Variants in CNNM1 observed in about 807,000 individuals in gnomAD.
CNNM1 encodes metal transporter CNNM1.
In CNNM1, 44 loss-of-function variants were observed where a neutral mutation model predicts 78.8. That is an observed-to-expected ratio of 0.56 (90% CI 0.44 to 0.72). The LOEUF is 0.72. Among genes scored for constraint, CNNM1 ranks in the 30% least tolerant of loss-of-function variants. The pLI is 0.00. For missense variants in CNNM1, 1,101 were observed against 1,292.2 expected (o/e 0.85, Z 2.27); for synonymous variants, 584 against 581.5 (o/e 1.00, Z -0.06).
intron 7 of CNNM1, among the ~76,000 whole-genome samples, chr10:99,384,637 G>A (rs1334053102): frequency 2.6e-5 from 4 of 152,162 alleles, no homozygotes; most frequent in African/African-American, 9.7e-5. Flanking sequence ...ACGAGGAAGT[G>A]TGTCCCATTC....
At chr10:99,365,037 C>A (rs370723438) in intron 6 of CNNM1, 35 bp downstream of exon 6, 2 of 1,611,410 alleles carry the variant, frequency 1.2e-6, no homozygotes, top group Non-Finnish European at 1.7e-6. Flanking sequence ...TCGTCCTCCC[C>A]ATCGTAGTCC....
chr10:99,383,739 T>A (rs940626642), intron 7 of CNNM1, among the ~76,000 whole-genome samples: 2 of 152,186 alleles, frequency 1.3e-5, no homozygotes, highest in Non-Finnish European at 2.9e-5. Context: ...GGACCAGTGG[T>A]TCTGTCCTGG....
In CNNM1 at chr10:99,329,881, G is replaced by C. The variant is rs1358897676; in HGVS notation, c.494G>C (p.Arg165Pro). 14 of 1,394,076 alleles carry C rather than the reference G, an allele frequency of 1.0e-5. No individual in the cohort carries two copies. Among genetic ancestry groups the C allele is most frequent in the African/African-American group, 1.5e-5 (1 of 65,474 alleles). The allele number at this position is 1,394,076 out of a possible 1,614,324, so 86.4% of individuals were successfully genotyped here. Residue 165 changes from arginine to proline, a missense_variant, in exon 1 of 11, where the codon CGG becomes CCG. This residue lies in a region of CNNM1 where 476 missense variants were observed against 484.5 expected (regional missense o/e 0.98). Coordinates refer to ENST00000356713, the MANE Select transcript of CNNM1 (RefSeq NM_020348.3). ...AGSALVQVRV[R>P]ELRKGEAERG... Reference sequence around the variant, plus strand: ...TCGGCCCTGGTCCAGGTGCGAGTGCGGGAGCTGCGCAAGGGCGAAGCGGAG... The same window carrying C: ...TCGGCCCTGGTCCAGGTGCGAGTGCCGGAGCTGCGCAAGGGCGAAGCGGAG...
chr10:99,349,981 A>G (rs982020568), intron 1 of CNNM1, among the ~76,000 whole-genome samples: 1 of 152,208 alleles, frequency 6.6e-6, no homozygotes, highest in African/African-American at 2.4e-5. Flanking sequence ...CCTGAGCAAC[A>G]GAGTGAGACT....
chr10:99,348,618 T>C (rs945216740), intron 1 of CNNM1, among the ~76,000 whole-genome samples: 1 of 152,090 alleles, frequency 6.6e-6, no homozygotes, highest in Non-Finnish European at 1.5e-5. Flanking sequence ...GTAACTAGAG[T>C]TAATGGTATC....
At chr10:99,362,098 C>A in intron 3 of CNNM1, 129 bp from the exon 4 acceptor site, 1 of 820,908 alleles carries the variant, frequency 1.2e-6, no homozygotes, top group Non-Finnish European at 1.8e-6. Context: ...GAAGCCCTGC[C>A]AACCTGATGC....
intron 6 of CNNM1, among the ~76,000 whole-genome samples, chr10:99,376,673 C>T (rs959782574): frequency 6.6e-6 from 1 of 152,130 alleles, no homozygotes; most frequent in African/African-American, 2.4e-5. Flanking sequence ...TCATCTCGTT[C>T]GGGGTCCTTG....
At chr10:99,347,028 G>A (rs2030723973) in intron 1 of CNNM1, among the ~76,000 whole-genome samples, 1 of 152,096 alleles carries the variant, frequency 6.6e-6, no homozygotes, top group Admixed American at 6.6e-5. Flanking sequence ...CACAAAGAGG[G>A]CAACAGCAGG....
intron 1 of CNNM1, among the ~76,000 whole-genome samples, chr10:99,332,133 AT>A (rs2029943780): frequency 6.6e-6 from 1 of 152,190 alleles, no homozygotes; most frequent in Non-Finnish European, 1.5e-5. Context: ...TTAAAATCAA[AT>A]CTACTTTCAA....
chr10:99,329,402 G>GGCGGCGGCA lies in CNNM1; in HGVS notation c.18_26dup (p.Ala8_Ala10dup). ...CTGGGTGCAGGATGGCGGCGGCCGC[G>GGCGGCGGCA]GCGGCGGCAGCAGCGGTGGGTGTCA... On this transcript the variant is annotated inframe_insertion, in exon 1 of 11. Coordinates refer to ENST00000356713, the MANE Select transcript of CNNM1 (RefSeq NM_020348.3). 1 of 806,706 alleles carries GGCGGCGGCA rather than the reference G, an allele frequency of 1.2e-6. No homozygotes were observed. The highest frequency in any genetic ancestry group is 1.9e-6 in the Non-Finnish European group (1 of 540,306). The allele number at this position is 806,706 out of a possible 1,614,324, so 50.0% of individuals were successfully genotyped here. A position where few individuals can be genotyped will look rare whatever the true frequency, so the allele number is the denominator to read the frequency against.
chr10:99,362,249 G>A lies in CNNM1; in HGVS notation c.1881G>A (p.Leu627=). ...MATEVEPFKS[L]YLSEKILLRL... is the part of the protein sequence containing the mutation. The stretch of plus-strand genomic sequence containing the variant: ...TAGAAGTGGAGCCCTTTAAGTCTCT[G>A]TACCTTTCGGAGAAGATCCTGCTCC... The change falls in exon 4 of 11, where the codon CTG becomes CTA. Residue 627 remains leucine (L), a synonymous_variant. Coordinates refer to ENST00000356713, the MANE Select transcript of CNNM1 (RefSeq NM_020348.3). The A allele has an allele frequency of 6.2e-7, 1 of 1,613,364 alleles. No individual in the cohort carries two copies. The highest frequency in any genetic ancestry group is 1.1e-5 in the South Asian group (1 of 90,970).
At chr10:99,344,638 A>G (rs895387398) in intron 1 of CNNM1, among the ~76,000 whole-genome samples, 3 of 151,402 alleles carry the variant, frequency 2.0e-5, no homozygotes, top group Non-Finnish European at 4.4e-5. Flanking sequence ...TTATCCTGTT[A>G]TCAGTTAGAA....
chr10:99,356,560 G>A (rs1166799241), intron 1 of CNNM1, among the ~76,000 whole-genome samples: 3 of 86,770 alleles, frequency 3.5e-5, no homozygotes, highest in Admixed American at 1.3e-4. Context: ...CAGACAGACA[G>A]ACAGAAAGAA....
chr10:99,329,587 G>A lies in CNNM1; in HGVS notation c.200G>A (p.Gly67Asp). ...LEGGTLRAAE[G>D]TSFLLRVYFQ... is the part of the protein sequence containing the mutation. ...GGGGGCACCCTGCGCGCCGCCGAAG[G>A]CACCAGCTTCCTCCTGCGTGTCTAT... The change falls in exon 1 of 11, where the codon GGC becomes GAC. Residue 67 changes from glycine to aspartate, a missense_variant. Around this residue, in one of 3 missense-constraint regions of CNNM1, gnomAD observed 476 missense variants for 484.5 expected, o/e 0.98. Coordinates refer to ENST00000356713, the MANE Select transcript of CNNM1 (RefSeq NM_020348.3). The A allele has an allele frequency of 6.6e-7, 1 of 1,523,292 alleles. No homozygotes were observed. Among genetic ancestry groups the A allele is most frequent in the South Asian group, 1.2e-5 (1 of 81,388 alleles). 94.4% of individuals were successfully genotyped at this position (1,523,292 alleles called of 1,614,324 possible).
intron 7 of CNNM1, among the ~76,000 whole-genome samples, chr10:99,380,506 A>G (rs1039865309): frequency 2.0e-5 from 3 of 152,160 alleles, no homozygotes; most frequent in Non-Finnish European, 4.4e-5. Flanking sequence ...AAACTTGCCG[A>G]TGGGCTGGGT....
At chr10:99,352,052 G>A (rs2134034556) in intron 1 of CNNM1, among the ~76,000 whole-genome samples, 1 of 152,202 alleles carries the variant, frequency 6.6e-6, no homozygotes, top group African/African-American at 2.4e-5. Flanking sequence ...ATTCAGAGTT[G>A]TGCAGGCATC....
chr10:99,372,449 C>T (rs1000909762), intron 6 of CNNM1, among the ~76,000 whole-genome samples: 4 of 152,170 alleles, frequency 2.6e-5, no homozygotes, highest in South Asian at 2.1e-4. Flanking sequence ...GTTGCTTGGC[C>T]TGCTGCCTGC....
intron 7 of CNNM1, among the ~76,000 whole-genome samples, chr10:99,384,140 T>C (rs576457541): frequency 6.6e-5 from 10 of 152,352 alleles, no homozygotes; most frequent in Non-Finnish European, 1.0e-4. Flanking sequence ...TCACGTTACA[T>C]TTCTCTTCAA....
chr10:99,360,985 G>T lies in CNNM1; in HGVS notation c.1858+10G>T. 6.3e-7 allele frequency: 1 copy of T among 1,597,266 alleles called. No individual in the cohort carries two copies. The highest frequency in any genetic ancestry group is 1.1e-5 in the South Asian group (1 of 89,562). ...CGCTTCATGGCCACAGGTAGGACAA[G>T]TCTCCACTCCAGAGAAGCTAAAACA... On this transcript the variant is annotated intron_variant, in intron 3 of 10. Coordinates refer to ENST00000356713, the MANE Select transcript of CNNM1 (RefSeq NM_020348.3).
Sources: allele counts gnomAD v4.1 joint callset (sites outside exome capture counted in the v4.1 genomes callset), GRCh38; gene constraint gnomAD v4.1.1; regional missense constraint gnomAD v4.1.1; transcripts MANE v1.5; gene names NCBI Gene and HGNC (gene_info 2026-07-23, HGNC 2026-07-21).